NUMB: variants seen among roughly 807,000 people sequenced by gnomAD.
The protein encoded by NUMB is protein numb homolog.
Under a neutral mutation model 59.7 loss-of-function variants are expected in NUMB, and 29 were observed. The ratio of observed to expected loss-of-function variants is 0.49; its 90% CI spans 0.36 to 0.66. The LOEUF is 0.66. NUMB is among the 30% of genes least tolerant of loss of function. The pLI, the probability that NUMB is intolerant of heterozygous loss-of-function variation, is 0.00. For missense variants in NUMB, 723 were observed against 822.0 expected (o/e 0.88, Z 1.47); for synonymous variants, 288 against 288.2 (o/e 1.00, Z 0.01).
At chr14:73,386,242 C>G (rs778503622) in intron 2 of NUMB, among the ~76,000 whole-genome samples, 1 of 151,934 alleles carries the variant, frequency 6.6e-6, no homozygotes, top group Admixed American at 6.6e-5. Context: ...TAGTGAGATG[C>G]CATCTCAAAA....
chr14:73,431,168 G>A (rs549826958), intron 1 of NUMB, among the ~76,000 whole-genome samples: 1 of 151,482 alleles, frequency 6.6e-6, no homozygotes, highest in African/African-American at 2.4e-5. Context: ...TGTTGGTCAG[G>A]CTGGTCTCGA....
chr14:73,295,172 G>A (rs1224340024), intron 7 of NUMB, among the ~76,000 whole-genome samples: 1 of 151,554 alleles, frequency 6.6e-6, no homozygotes, highest in East Asian at 1.9e-4. Context: ...AAAGGTTAAG[G>A]GCTTCAGATT....
intron 4 of NUMB, among the ~76,000 whole-genome samples, chr14:73,333,036 G>A (rs1892074974): frequency 6.6e-6 from 1 of 152,130 alleles, no homozygotes; most frequent in South Asian, 2.1e-4. Context: ...GTGGTGAATA[G>A]TAGTGCTATA....
chr14:73,420,945 TAAGC>T (rs1442996401), intron 1 of NUMB, among the ~76,000 whole-genome samples: 6 of 152,030 alleles, frequency 3.9e-5, no homozygotes, highest in African/African-American at 1.4e-4. Context: ...CCTGAAGACA[TAAGC>T]AAGAATATTT....
At chr14:73,349,636 T>G (rs1241828153) in intron 4 of NUMB, among the ~76,000 whole-genome samples, 1 of 150,390 alleles carries the variant, frequency 6.6e-6, no homozygotes, top group East Asian at 2.0e-4. Context: ...TCCCAGCACT[T>G]TGGGAGGCCG....
intron 1 of NUMB, among the ~76,000 whole-genome samples, chr14:73,440,223 A>G (rs1158011208): frequency 6.8e-6 from 1 of 146,316 alleles, no homozygotes; most frequent in Non-Finnish European, 1.5e-5. Context: ...ATCCATATAT[A>G]TATATGGATA....
chr14:73,283,084 T>C (rs1204075580), intron 10 of NUMB, among the ~76,000 whole-genome samples: 1 of 152,236 alleles, frequency 6.6e-6, no homozygotes, highest in Admixed American at 6.5e-5. Flanking sequence ...TGTAGGACGC[T>C]AGGGCCTTTA....
chr14:73,350,024 G>A (rs1039048370), intron 4 of NUMB, among the ~76,000 whole-genome samples: 5 of 149,794 alleles, frequency 3.3e-5, no homozygotes, highest in Middle Eastern at 3.2e-3. Flanking sequence ...CAGCCTGGGC[G>A]AGAGTGAGGC....
chr14:73,331,025 G>A (rs1372143361), intron 4 of NUMB, among the ~76,000 whole-genome samples: 1 of 152,166 alleles, frequency 6.6e-6, no homozygotes, highest in African/African-American at 2.4e-5. Context: ...AAAGGCTGGA[G>A]AGCCTGAAGT....
At chr14:73,309,254 A>G (rs541878778) in intron 6 of NUMB, among the ~76,000 whole-genome samples, 1 of 152,344 alleles carries the variant, frequency 6.6e-6, no homozygotes, top group East Asian at 1.9e-4. Context: ...TCATTCTACT[A>G]TAAAGACACT....
chr14:73,421,922 T>A (rs1390293367), intron 1 of NUMB, among the ~76,000 whole-genome samples: 1 of 152,100 alleles, frequency 6.6e-6, no homozygotes, highest in African/African-American at 2.4e-5. Context: ...GTGGATCATT[T>A]CAGGTCAGGA....
chr14:73,363,606 G>T (rs1470352521), intron 3 of NUMB, among the ~76,000 whole-genome samples: 1 of 152,140 alleles, frequency 6.6e-6, no homozygotes, highest in Non-Finnish European at 1.5e-5. Context: ...CTAAGGACAA[G>T]AAATTAAAAT....
chr14:73,410,549 C>T (rs1012091543), intron 1 of NUMB, among the ~76,000 whole-genome samples: 5 of 152,104 alleles, frequency 3.3e-5, no homozygotes, highest in African/African-American at 7.2e-5. Flanking sequence ...TGAACAGATG[C>T]GAGCCATGAC....
rs148714257 is a variant in NUMB, at chr14:73,436,329, T to A, written c.-233+22164A>T. Among the ~76,000 whole-genome samples, 29 of 152,246 alleles carry A rather than the reference T, an allele frequency of 1.9e-4. No individual in the cohort carries two copies. In the East Asian group the frequency reaches 4.6e-3, roughly 24 times the overall value. ...TTTGAAGGATTTTTGTTTTGTTTTG[T>A]TTTTGTTGACGGAGTCCCACTCTGT... On this transcript the variant is annotated intron_variant, in intron 1 of 12. Transcript: ENST00000555238.
chr14:73,377,652 A>G (rs1895017734), intron 2 of NUMB, among the ~76,000 whole-genome samples: 1 of 151,620 alleles, frequency 6.6e-6, no homozygotes, highest in African/African-American at 2.4e-5. Flanking sequence ...ACAAACAAAC[A>G]ACAACAACAA....
chr14:73,344,706 A>G lies in NUMB; in HGVS notation c.126+10920T>C, dbSNP rs139157285. ...AGTTAAAATAATGAGACCAAATAAC[A>G]TAAGTATGAATCCTACATTCAGCCC... On this transcript the variant is annotated intron_variant, in intron 4 of 12. Coordinates refer to ENST00000555238, the MANE Select transcript of NUMB (RefSeq NM_001005743.2). 3.9e-4 allele frequency among the ~76,000 whole-genome samples: 60 copies of G among 152,334 alleles called. 1 individual carries two copies. In the East Asian group the frequency reaches 0.01, roughly 26 times the overall value.
chr14:73,412,708 G>C (rs890443297), intron 1 of NUMB, among the ~76,000 whole-genome samples: 1 of 151,608 alleles, frequency 6.6e-6, no homozygotes, highest in Non-Finnish European at 1.5e-5. Context: ...GCTCACTGTA[G>C]CCTGAACCTC....
At chr14:73,302,482 C>CT (rs1890203636) in intron 6 of NUMB, among the ~76,000 whole-genome samples, 1 of 149,366 alleles carries the variant, frequency 6.7e-6, no homozygotes, top group Non-Finnish European at 1.5e-5. Context: ...TTTAGTCTCA[C>CT]TGCAACCTCT....
chr14:73,376,956 A>G (rs891511457), intron 2 of NUMB, among the ~76,000 whole-genome samples: 2 of 152,234 alleles, frequency 1.3e-5, no homozygotes, highest in Non-Finnish European at 2.9e-5. Context: ...AGCCAACACA[A>G]TGGTGAAAAG....
Sources: allele counts gnomAD v4.1 joint callset (sites outside exome capture counted in the v4.1 genomes callset), GRCh38; gene constraint gnomAD v4.1.1; transcripts MANE v1.5; gene names NCBI Gene and HGNC (gene_info 2026-07-23, HGNC 2026-07-21).